ACOXL: variants seen among roughly 807,000 people sequenced by gnomAD.
The protein encoded by ACOXL is acyl-CoA oxidase like.
ACOXL carries 70 observed loss-of-function variants against 71.9 expected under a neutral mutation model. The observed-to-expected ratio is 0.97, with a 90% CI of 0.80 to 1.19. ACOXL has a LOEUF of 1.19. Ranked by LOEUF, ACOXL falls within the 50% of genes most tolerant of loss-of-function variation. The pLI is 0.00. For missense variants in ACOXL, 703 were observed against 736.3 expected (o/e 0.95, Z 0.52); for synonymous variants, 253 against 281.6 (o/e 0.90, Z 1.02).
intron 17 of ACOXL, among the ~76,000 whole-genome samples, chr2:111,095,149 C>G (rs1032422023): frequency 6.7e-6 from 1 of 149,216 alleles, no homozygotes; most frequent in African/African-American, 2.5e-5. Flanking sequence ...GAATTGATGG[C>G]AGCTATCTTT....
chr2:110,851,953 G>A (rs1692654904), intron 10 of ACOXL, among the ~76,000 whole-genome samples: 1 of 152,246 alleles, frequency 6.6e-6, no homozygotes. Flanking sequence ...ATGTCGCTGA[G>A]TGCAGGGCAG....
intron 8 of ACOXL, among the ~76,000 whole-genome samples, chr2:110,802,843 A>G (rs1686165413): frequency 6.6e-6 from 1 of 152,166 alleles, no homozygotes; most frequent in Non-Finnish European, 1.5e-5. Context: ...GTTAACAATA[A>G]TGTGTTGTAT....
intron 14 of ACOXL, among the ~76,000 whole-genome samples, chr2:111,021,765 C>T (rs559503348): frequency 6.6e-6 from 1 of 151,922 alleles, no homozygotes; most frequent in Admixed American, 6.6e-5. Flanking sequence ...AGTTGAGACA[C>T]TTGAATTAAC....
intron 10 of ACOXL, among the ~76,000 whole-genome samples, chr2:110,896,243 T>A (rs1574030191): frequency 6.6e-6 from 1 of 152,128 alleles, no homozygotes. Flanking sequence ...CAAAGAGATA[T>A]ACTCACAAAC....
At chr2:110,861,578 T>C (rs1241760123) in intron 10 of ACOXL, among the ~76,000 whole-genome samples, 1 of 150,030 alleles carries the variant, frequency 6.7e-6, no homozygotes, top group Admixed American at 6.7e-5. Context: ...ACCCCGGCTA[T>C]GTTGTTAAAT....
At chr2:110,873,189 G>A (rs1695478093) in intron 10 of ACOXL, among the ~76,000 whole-genome samples, 1 of 152,222 alleles carries the variant, frequency 6.6e-6, no homozygotes, top group South Asian at 2.1e-4. Flanking sequence ...TGGGTCACTG[G>A]TGGTGGCATT....
chr2:110,989,572 G>A (rs185494645), intron 13 of ACOXL, among the ~76,000 whole-genome samples: 8 of 152,276 alleles, frequency 5.3e-5, no homozygotes, highest in African/African-American at 7.2e-5. Context: ...AGTCAAATTC[G>A]TAGAGATAGA....
intron 1 of ACOXL, among the ~76,000 whole-genome samples, chr2:110,736,935 C>T (rs1299171241): frequency 6.6e-6 from 1 of 152,118 alleles, no homozygotes; most frequent in Admixed American, 6.5e-5. Flanking sequence ...TTTGATCATT[C>T]TTGTATCTGT....
intron 9 of ACOXL, among the ~76,000 whole-genome samples, chr2:110,811,672 G>A (rs1203877306): frequency 6.7e-6 from 1 of 149,696 alleles, no homozygotes; most frequent in Non-Finnish European, 1.5e-5. Context: ...AGGAGGTGGG[G>A]TCACATTGCT....
At chr2:110,889,524 A>G (rs902198509) in intron 10 of ACOXL, among the ~76,000 whole-genome samples, 1 of 152,170 alleles carries the variant, frequency 6.6e-6, no homozygotes, top group African/African-American at 2.4e-5. Flanking sequence ...CTTAGACAAG[A>G]ACAAATCCAC....
At chr2:110,932,639 G>A (rs1015272335) in intron 11 of ACOXL, among the ~76,000 whole-genome samples, 2 of 152,134 alleles carry the variant, frequency 1.3e-5, no homozygotes, top group African/African-American at 4.8e-5. Context: ...AATACAAGAG[G>A]CATGTGAAAC....
intron 11 of ACOXL, among the ~76,000 whole-genome samples, chr2:110,920,592 C>T (rs949020079): frequency 1.3e-5 from 2 of 152,032 alleles, no homozygotes; most frequent in Non-Finnish European, 2.9e-5. Flanking sequence ...GGTTCAACAG[C>T]TTTAAATTTT....
At chr2:111,030,057 A>G (rs2065195138) in intron 14 of ACOXL, among the ~76,000 whole-genome samples, 1 of 151,874 alleles carries the variant, frequency 6.6e-6, no homozygotes, top group Non-Finnish European at 1.5e-5. Context: ...AAAAAAAAAA[A>G]GCAATTAAAA....
intron 11 of ACOXL, among the ~76,000 whole-genome samples, chr2:110,915,338 A>G (rs1210407566): frequency 1.5e-5 from 1 of 68,846 alleles, no homozygotes; most frequent in Admixed American, 1.9e-4. Flanking sequence ...TATGCATTTT[A>G]TATATATATA....
At chr2:110,790,132 A>G (rs2105227886) in intron 3 of ACOXL, among the ~76,000 whole-genome samples, 1 of 152,342 alleles carries the variant, frequency 6.6e-6, no homozygotes, top group East Asian at 1.9e-4. Context: ...TCCCCGTGCC[A>G]AACCTGGCAG....
chr2:110,753,155 C>A (rs544230733), intron 1 of ACOXL, among the ~76,000 whole-genome samples: 9 of 152,156 alleles, frequency 5.9e-5, no homozygotes, highest in African/African-American at 1.9e-4. Flanking sequence ...CTCCTCCTCT[C>A]TTTCTTACCC....
intron 10 of ACOXL, among the ~76,000 whole-genome samples, chr2:110,869,526 A>C (rs534987830): frequency 3.3e-5 from 5 of 152,254 alleles, no homozygotes; most frequent in South Asian, 4.2e-4. Flanking sequence ...TCCTGCTCCC[A>C]GGGGCACATG....
intron 14 of ACOXL, among the ~76,000 whole-genome samples, chr2:111,025,593 T>A (rs1486375974): frequency 6.6e-6 from 1 of 152,236 alleles, no homozygotes; most frequent in African/African-American, 2.4e-5. Flanking sequence ...TATTTGCTAT[T>A]CATTTTGTCT....
At chr2:110,894,424 G>A (rs2058921765) in intron 10 of ACOXL, among the ~76,000 whole-genome samples, 1 of 151,284 alleles carries the variant, frequency 6.6e-6, no homozygotes, top group Non-Finnish European at 1.5e-5. Context: ...TTAGCCAAAT[G>A]TTCTACTTCA....
Sources: allele counts gnomAD v4.1 joint callset (sites outside exome capture counted in the v4.1 genomes callset), GRCh38; gene constraint gnomAD v4.1.1; transcripts MANE v1.5; gene names NCBI Gene and HGNC (gene_info 2026-07-23, HGNC 2026-07-21).